RNF11: variants seen among roughly 807,000 people sequenced by gnomAD.
The protein encoded by RNF11 is ring finger protein 11.
In RNF11, 4 loss-of-function variants were observed where a neutral mutation model predicts 15.8. The ratio of observed to expected loss-of-function variants is 0.25; its 90% CI spans 0.12 to 0.58. The LOEUF (loss-of-function observed/expected upper bound fraction) is 0.58, where lower values mean the gene tolerates loss of function less well. RNF11 is among the 20% of genes least tolerant of loss of function. The pLI is 0.91. For missense variants in RNF11, 139 were observed against 194.4 expected, an observed-to-expected ratio of 0.71 and a Z score of 1.70; for synonymous variants, 68 against 72.3, an observed-to-expected ratio of 0.94 and a Z score of 0.30.
At chr1:51,269,826 A>T in intron 1 of RNF11, 130 bp from the exon 2 acceptor site, 2 of 707,366 alleles carry the variant, frequency 2.8e-6, no homozygotes, top group Non-Finnish European at 4.9e-6. Context: ...AAACACAGTC[A>T]TACAGCCAAA....
intron 1 of RNF11, among the ~76,000 whole-genome samples, chr1:51,245,985 G>A (rs145234172): frequency 7.9e-4 from 120 of 152,294 alleles, no homozygotes; most frequent in Non-Finnish European, 1.8e-4. Context: ...AAGACAGGTG[G>A]CCAGGCACAG....
At chr1:51,264,313 TATATACACACAC>T (rs1378714539) in intron 1 of RNF11, among the ~76,000 whole-genome samples, 2 of 101,792 alleles carry the variant, frequency 2.0e-5, no homozygotes, top group African/African-American at 8.8e-5. Flanking sequence ...TATATATATA[TATATACACACAC>T]ACACACACAC....
At position 51,273,186 on chromosome 1, in the gene RNF11, C is replaced by T. The variant is rs1646987596; in HGVS notation, c.*1864C>T. 1 of 152,126 alleles carries T rather than the reference C, an allele frequency of 6.6e-6. No individual in the cohort carries two copies. Among genetic ancestry groups the T allele is most frequent in the African/African-American group, 2.4e-5 (1 of 41,436 alleles). 9.4% of individuals were successfully genotyped at this position (152,126 alleles called of 1,614,324 possible). On this transcript the variant is annotated 3_prime_UTR_variant, in exon 3 of 3. Transcript: ENST00000242719. ...TACTTAAACATAATGTCTGTGTCAT[C>T]AAGTATTATAGTCAGACTTTTCTTT...
chr1:51,247,646 A>G (rs1646858527), intron 1 of RNF11, among the ~76,000 whole-genome samples: 1 of 152,030 alleles, frequency 6.6e-6, no homozygotes. Flanking sequence ...CCTCTTGGAG[A>G]ATTTGCTTGA....
intron 1 of RNF11, among the ~76,000 whole-genome samples, chr1:51,253,247 G>A (rs1473066152): frequency 1.3e-5 from 2 of 152,044 alleles, no homozygotes; most frequent in South Asian, 2.1e-4. Flanking sequence ...AAATAAGGCC[G>A]GGCACAGGGG....
Position 51,244,379 on chromosome 1 carries a change from GT to G in RNF11, c.123+7511del, listed in dbSNP as rs1043027281. ...ATTTCATTATATATTTTTTGAATTT[GT>G]TTTTTTTTTTGTTTGTTTGTTTGAG... On this transcript the variant is annotated intron_variant, in intron 1 of 2. Coordinates refer to ENST00000242719, the MANE Select transcript of RNF11 (RefSeq NM_014372.5). Among the ~76,000 whole-genome samples the G allele has an allele frequency of 6.3e-3, 920 of 145,906 alleles. 10 individuals carry two copies. The highest frequency in any genetic ancestry group is 0.021 in the African/African-American group (833 of 40,098).
rs1264611599 is a variant in RNF11, at chr1:51,236,863, C to T, written c.107C>T (p.Pro36Leu). 12 of 1,607,898 alleles carry T rather than the reference C, an allele frequency of 7.5e-6. No homozygotes were observed. The highest frequency in any genetic ancestry group is 3.4e-5 in the Admixed American group (2 of 59,098). The change falls in exon 1 of 3, where the codon CCG becomes CTG. Residue 36 changes from proline to leucine, a missense_variant. Coordinates refer to ENST00000242719, the MANE Select transcript of RNF11 (RefSeq NM_014372.5). ...GAGGGGACGGAGCCGGATCAGGAGC[C>T]GCCGCCGCCATATCAGGTAGGGGAG... ...FGEGTEPDQEPPPPYQEQVPV... is the reference protein window; with the variant it reads ...FGEGTEPDQELPPPYQEQVPV...
intron 2 of RNF11, 75 bp downstream of exon 2, chr1:51,270,200 C>A: frequency 9.1e-7 from 1 of 1,098,380 alleles, no homozygotes; most frequent in Non-Finnish European, 1.3e-6. Context: ...TTTTCTCCTG[C>A]ACTTTAGAAA....
Position 51,238,115 on chromosome 1 carries a change from T to C in RNF11, c.123+1236T>C, listed in dbSNP as rs1646813207. ...AGGCCTACCAAATACACCAGGCTGT[T>C]CACAGCTTTGTTTTGCTCCAGTTCC... On this transcript the variant is annotated intron_variant, in intron 1 of 2. Coordinates refer to ENST00000242719, the MANE Select transcript of RNF11 (RefSeq NM_014372.5). Among the ~76,000 whole-genome samples, 3 of 152,312 alleles carry C rather than the reference T, an allele frequency of 2.0e-5. No individual in the cohort carries two copies. The South Asian group carries it at 6.2e-4, about 32-fold the overall frequency.
At chr1:51,264,928 C>T (rs1339459843) in intron 1 of RNF11, 2 of 152,168 alleles carry the variant, frequency 1.3e-5, no homozygotes, top group Admixed American at 6.6e-5. Context: ...CAACATCCAT[C>T]ATTTTATAGG....
In RNF11 at chr1:51,257,853, C is replaced by CT. The variant is rs1245365473; in HGVS notation, c.124-12085dup. ...CTTCTTATTTCTTTTCTTTTCTTTT[C>CT]TTTTTTTTTTTTTTTTTTGAGACAA... On this transcript the variant is annotated intron_variant, in intron 1 of 2. Coordinates refer to ENST00000242719, the MANE Select transcript of RNF11 (RefSeq NM_014372.5). 5.5e-4 allele frequency among the ~76,000 whole-genome samples: 50 copies of CT among 91,242 alleles called. 1 individual carries two copies. The highest frequency in any genetic ancestry group is 2.0e-3 in the African/African-American group (42 of 20,666). The allele number at this position is 91,242 out of a possible 152,430, so 59.9% of individuals were successfully genotyped here.
intron 1 of RNF11, among the ~76,000 whole-genome samples, chr1:51,262,166 G>A (rs571746627): frequency 1.3e-5 from 2 of 152,306 alleles, no homozygotes; most frequent in African/African-American, 4.8e-5. Context: ...AATTTTTGTA[G>A]GGATGGGGTT....
chr1:51,258,384 A>G (rs1646915040), intron 1 of RNF11, among the ~76,000 whole-genome samples: 1 of 152,192 alleles, frequency 6.6e-6, no homozygotes, highest in African/African-American at 2.4e-5. Context: ...AACAATAGGG[A>G]TAACTGCACA....
chr1:51,258,331 T>G (rs1646914802), intron 1 of RNF11, among the ~76,000 whole-genome samples: 2 of 152,070 alleles, frequency 1.3e-5, no homozygotes, highest in South Asian at 2.1e-4. Flanking sequence ...GATGCAGAAA[T>G]AGGTTGGGCA....
rs376694497 is a variant in RNF11, at chr1:51,264,317, T to TATATATAC, written c.124-5638_124-5637insTATATACA. On this transcript the variant is annotated intron_variant, in intron 1 of 2. Coordinates refer to ENST00000242719, the MANE Select transcript of RNF11 (RefSeq NM_014372.5). ...ATATATATATATATATATATATATA[T>TATATATAC]ACACACACACACACACACACACATT... is the stretch of plus-strand genomic sequence containing the variant. Among the ~76,000 whole-genome samples, 179 of 75,392 alleles carry TATATATAC rather than the reference T, an allele frequency of 2.4e-3. 1 individual carries two copies. The highest frequency in any genetic ancestry group is 3.6e-3 in the African/African-American group (64 of 17,664). The allele number at this position is 75,392 out of a possible 152,430, so 49.5% of individuals were successfully genotyped here. A position where few individuals can be genotyped will look rare whatever the true frequency, so the allele number is the denominator to read the frequency against.
At chr1:51,264,274 A>T (rs1419438079) in intron 1 of RNF11, among the ~76,000 whole-genome samples, 1 of 93,182 alleles carries the variant, frequency 1.1e-5, no homozygotes, top group Non-Finnish European at 2.0e-5. Context: ...AAAAAAAAAA[A>T]AAAAAAAAAA....
At chr1:51,241,715 TA>T (rs1261630711) in intron 1 of RNF11, among the ~76,000 whole-genome samples, 5 of 152,156 alleles carry the variant, frequency 3.3e-5, no homozygotes. Flanking sequence ...CCCTTATTCC[TA>T]AATGTTTAAA....
intron 1 of RNF11, among the ~76,000 whole-genome samples, chr1:51,253,547 G>A (rs1216061817): frequency 6.6e-6 from 1 of 151,542 alleles, no homozygotes; most frequent in Admixed American, 6.6e-5. Context: ...AAAGGAGGTG[G>A]GGGAAACGAA....
intron 1 of RNF11, chr1:51,250,550 T>A: frequency 1.2e-5 from 3 of 257,654 alleles, no homozygotes; most frequent in Non-Finnish European, 2.2e-5. Context: ...TTTGTGACAA[T>A]TTTTTTTTTT....
Sources: gnomAD v4.1 joint callset for allele counts (sites outside exome capture counted in the v4.1 genomes callset) on GRCh38, gnomAD v4.1.1 for gene constraint, MANE v1.5 for transcripts, NCBI Gene and HGNC (gene_info 2026-07-23, HGNC 2026-07-21) for gene names.